NDUFA10: variants seen among roughly 807,000 people sequenced by gnomAD.
The protein encoded by NDUFA10 is NADH dehydrogenase [ubiquinone] 1 alpha subcomplex subunit 10, mitochondrial.
In NDUFA10, 40 loss-of-function variants were observed where a neutral mutation model predicts 47.8. The observed-to-expected ratio is 0.84, with a 90% CI of 0.65 to 1.09. The LOEUF is 1.09. Ranked by LOEUF, NDUFA10 falls within the 50% of genes least tolerant of loss-of-function variation. The probability of loss-of-function intolerance (pLI) is 0.00; values close to 1 mark genes in which losing one functional copy is unlikely to be tolerated. For synonymous variants in NDUFA10, 183 were observed against 172.2 expected (o/e 1.06, Z -0.49); for missense variants, 413 against 451.1 (o/e 0.92, Z 0.76).
intron 4 of NDUFA10, among the ~76,000 whole-genome samples, chr2:239,938,063 G>A (rs370751725): frequency 2.3e-4 from 35 of 152,124 alleles, no homozygotes; most frequent in African/African-American, 7.5e-4. Flanking sequence ...CATCCCTGAC[G>A]CCAGGACAGC....
intron 8 of NDUFA10, among the ~76,000 whole-genome samples, chr2:239,994,778 T>C (rs1696399060): frequency 6.6e-6 from 1 of 151,948 alleles, no homozygotes; most frequent in Admixed American, 6.6e-5. Context: ...TTTAGGTAAA[T>C]TTACAAACAC....
intron 4 of NDUFA10, among the ~76,000 whole-genome samples, chr2:239,905,641 C>T (rs77409961): frequency 0.19 from 28,143 of 152,012 alleles, 2,784 homozygotes; most frequent in African/African-American, 0.26. Flanking sequence ...CCCCTTGGTT[C>T]GCGTGGTCCC....
chr2:240,004,363 G>C (rs1696853952), intron 8 of NDUFA10, among the ~76,000 whole-genome samples: 1 of 152,070 alleles, frequency 6.6e-6, no homozygotes, highest in African/African-American at 2.4e-5. Flanking sequence ...TCATTTAATA[G>C]ATACCAAAGA....
In NDUFA10 at chr2:240,007,511, G is replaced by A. The variant is rs566480681; in HGVS notation, c.750-141C>T. ...GCACTGGGCATTGTGCTGGGCATGT[G>A]AGGGTGCATTAGAGCTTGACTGGTT... is the stretch of plus-strand genomic sequence containing the variant. On this transcript the variant is annotated intron_variant, in intron 6 of 9. Transcript: ENST00000252711. 31 of 692,980 alleles carry A rather than the reference G, an allele frequency of 4.5e-5. No homozygotes were observed. In the South Asian group the frequency reaches 4.6e-4, roughly 10 times the overall value. 42.9% of individuals were successfully genotyped at this position (692,980 alleles called of 1,614,324 possible).
At chr2:239,949,125 G>C (rs1443763836) in intron 4 of NDUFA10, among the ~76,000 whole-genome samples, 3 of 152,338 alleles carry the variant, frequency 2.0e-5, no homozygotes, top group African/African-American at 7.2e-5. Flanking sequence ...GACCAGGATA[G>C]TGTCGGGATT....
At chr2:239,894,419 C>T (rs1693354269) in intron 5 of NDUFA10, among the ~76,000 whole-genome samples, 2 of 152,220 alleles carry the variant, frequency 1.3e-5, no homozygotes, top group Non-Finnish European at 2.9e-5. Context: ...TTCTCCCTGC[C>T]TCCCGTCCTC....
intron 1 of NDUFA10, 38 bp from the exon 2 acceptor site, chr2:240,022,378 C>T: frequency 6.2e-7 from 1 of 1,613,420 alleles, no homozygotes; most frequent in Non-Finnish European, 8.5e-7. Flanking sequence ...ACATTGTGAC[C>T]ACTCTGGTTC....
rs1697376412 is a variant in NDUFA10, at chr2:240,016,985, A to C, written c.547+1568T>G. Among the ~76,000 whole-genome samples, 1 of 152,090 alleles carries C rather than the reference A, an allele frequency of 6.6e-6. No homozygotes were observed. Among genetic ancestry groups the C allele is most frequent in the African/African-American group, 2.4e-5 (1 of 41,400 alleles). On this transcript the variant is annotated intron_variant, in intron 4 of 9. Transcript: ENST00000252711. This position sits in a 1 kb window ranked among gnomAD's most constrained non-coding sequence, Gnocchi z 4.4. ...CGCCACTCCCCACTGTGCACACAGGAAACCACCCACCCAGGCCTGCCCAGT... is the reference window on the plus strand; with the variant it reads ...CGCCACTCCCCACTGTGCACACAGGCAACCACCCACCCAGGCCTGCCCAGT...
rs1697369308 is a variant in NDUFA10 at position 240,016,848 on chromosome 2, T to G, written c.547+1705A>C. On this transcript the variant is annotated intron_variant, in intron 4 of 9. Transcript: ENST00000252711. This position sits in a 1 kb window ranked among gnomAD's most constrained non-coding sequence, Gnocchi z 4.4. The stretch of plus-strand genomic sequence containing the variant: ...ATGCCGACAGGTATCTCCTGCCACC[T>G]TGCCATGGGAACCTCACACTCAGGA... Among the ~76,000 whole-genome samples, 1 of 152,134 alleles carries G rather than the reference T, an allele frequency of 6.6e-6. No homozygotes were observed. Among genetic ancestry groups the G allele is most frequent in the African/African-American group, 2.4e-5 (1 of 41,422 alleles).
At chr2:239,966,848 CTTTT>C (rs71045922) in intron 9 of NDUFA10, among the ~76,000 whole-genome samples, 1,420 of 113,810 alleles carry the variant, frequency 0.012, 14 homozygotes, top group African/African-American at 0.033. Flanking sequence ...GCAAGGATTT[CTTTT>C]TTTTTTTTTT....
chr2:239,956,311 T>G (rs1694652166), downstream of NDUFA10, among the ~76,000 whole-genome samples: 1 of 152,134 alleles, frequency 6.6e-6, no homozygotes, highest in Non-Finnish European at 1.5e-5. Flanking sequence ...TGAGAAGACG[T>G]GAGTGGCCAT....
At chr2:240,018,677 C>CA in intron 3 of NDUFA10, 38 bp from the exon 4 acceptor site, 1 of 1,604,328 alleles carries the variant, frequency 6.2e-7, no homozygotes, top group Non-Finnish European at 8.5e-7. Flanking sequence ...GAAAATCAGA[C>CA]AGATAGCAAA....
intron 8 of NDUFA10, among the ~76,000 whole-genome samples, chr2:240,002,096 G>A (rs147561353): frequency 0.026 from 3,927 of 152,150 alleles, 180 homozygotes; most frequent in African/African-American, 0.09. Context: ...TCTGGAGGCC[G>A]AGGCAGGTGG....
chr2:239,953,029 G>A (rs969195605), downstream of NDUFA10, among the ~76,000 whole-genome samples: 2 of 152,234 alleles, frequency 1.3e-5, no homozygotes, highest in African/African-American at 4.8e-5. Flanking sequence ...GTCGGCCCAA[G>A]GTGGGGACTG....
intron 9 of NDUFA10, among the ~76,000 whole-genome samples, chr2:239,972,399 C>T: frequency 6.6e-6 from 1 of 152,084 alleles, no homozygotes; most frequent in East Asian, 1.9e-4. Flanking sequence ...TAAGGAGCTT[C>T]AAAATACTGC....
At chr2:239,899,475 G>GTGATGAAGAGGTA (rs1438586053) in intron 4 of NDUFA10, among the ~76,000 whole-genome samples, 1 of 123,748 alleles carries the variant, frequency 8.1e-6, no homozygotes, top group African/African-American at 2.6e-5. Context: ...ACGGAGGGGT[G>GTGATGAAGAGGTA]TGATGGAGAG....
At position 239,959,101 on chromosome 2, in the gene NDUFA10, G is replaced by A. The variant is rs534978507; in HGVS notation, c.*2017C>T. ...TTCTCTGCTGAACATGCATGTCATT[G>A]AAAACACCAGAAAATCAAACAGACG... On this transcript the variant is annotated 3_prime_UTR_variant, in exon 10 of 10. Coordinates refer to ENST00000252711, the MANE Select transcript of NDUFA10 (RefSeq NM_004544.4). 203 of 985,362 alleles carry A rather than the reference G, an allele frequency of 2.1e-4. No homozygotes were observed. The highest frequency in any genetic ancestry group is 2.3e-4 in the Non-Finnish European group (193 of 829,954). The allele number at this position is 985,362 out of a possible 1,614,324, so 61.0% of individuals were successfully genotyped here.
chr2:239,989,967 A>G, intron 9 of NDUFA10, 107 bp downstream of exon 9: 1 of 853,876 alleles, frequency 1.2e-6, no homozygotes, highest in South Asian at 1.3e-5. Context: ...ACTAAAACAA[A>G]CAAAACACAG....
intron 8 of NDUFA10, among the ~76,000 whole-genome samples, chr2:239,992,057 C>A (rs1696274320): frequency 6.6e-6 from 1 of 152,168 alleles, no homozygotes; most frequent in Admixed American, 6.5e-5. Flanking sequence ...TTACTATGAG[C>A]TTAATGATGA....
Sources: gnomAD v4.1 joint callset for allele counts (sites outside exome capture counted in the v4.1 genomes callset) on GRCh38, gnomAD v4.1.1 for gene constraint, Gnocchi (gnomAD v3.1) non-coding constraint, MANE v1.5 for transcripts, NCBI Gene and HGNC (gene_info 2026-07-23, HGNC 2026-07-21) for gene names.